KIAA1549L: variants seen among roughly 807,000 people sequenced by gnomAD.
The protein encoded by KIAA1549L is KIAA1549 like, also known as UPF0606 protein KIAA1549L.
A neutral mutation model predicts 160.7 loss-of-function variants in KIAA1549L; 88 were observed. The ratio of observed to expected loss-of-function variants is 0.55; its 90% confidence interval spans 0.46 to 0.65. KIAA1549L has a LOEUF of 0.65. Among genes scored for constraint, KIAA1549L ranks in the 30% least tolerant of loss-of-function variants. The pLI, the probability that KIAA1549L is intolerant of heterozygous loss-of-function variation, is 0.00. For synonymous variants in KIAA1549L, 950 were observed against 976.7 expected (o/e 0.97, Z 0.51); for missense variants, 2,258 against 2,437.5 (o/e 0.93, Z 1.55).
chr11:33,641,572 GTATATATA>G (rs10523183), intron 16 of KIAA1549L, among the ~76,000 whole-genome samples: 42 of 96,680 alleles, frequency 4.3e-4, no homozygotes, highest in Admixed American at 1.0e-3. Context: ...TAATGGATCT[GTATATATA>G]TATATATATA....
At chr11:33,517,065 C>T (rs2133117003) in intron 1 of KIAA1549L, among the ~76,000 whole-genome samples, 1 of 152,276 alleles carries the variant, frequency 6.6e-6, no homozygotes, top group African/African-American at 2.4e-5. Context: ...TCTGCTCTGC[C>T]TATAGAACAC....
chr11:33,416,064 T>C (rs1535702), intron 1 of KIAA1549L, among the ~76,000 whole-genome samples: 47,713 of 151,694 alleles, frequency 0.31, 8,006 homozygotes, highest in East Asian at 0.57. Context: ...AACCAACCAA[T>C]AAAAAGGCTC....
intron 1 of KIAA1549L, among the ~76,000 whole-genome samples, chr11:33,467,495 A>G (rs2133016805): frequency 6.6e-6 from 1 of 152,308 alleles, no homozygotes; most frequent in East Asian, 1.9e-4. Context: ...GTTGGTGTAG[A>G]AGTTCCACAT....
rs1455209441 is a variant in KIAA1549L at position 33,609,651 on chromosome 11, G to A, written c.5062-98G>A. 5.2e-6 allele frequency: 5 copies of A among 964,634 alleles called. No individual in the cohort carries two copies. In the East Asian group the frequency reaches 1.0e-4, roughly 20 times the overall value. The allele number at this position is 964,634 out of a possible 1,614,324, so 59.8% of individuals were successfully genotyped here. A position where few individuals can be genotyped will look rare whatever the true frequency, so the allele number is the denominator to read the frequency against. ...GCTCAGAGGCCCGGAGGTGATGCCTGTGATGGCTTTTTTAGAAGTGATAAC... is the reference window on the plus strand; with the variant it reads ...GCTCAGAGGCCCGGAGGTGATGCCTATGATGGCTTTTTTAGAAGTGATAAC... On this transcript the variant is annotated intron_variant, in intron 14 of 20. Coordinates refer to ENST00000658780, the MANE Select transcript of KIAA1549L (RefSeq NM_012194.3).
rs565835923 is a variant in KIAA1549L at position 33,544,274 on chromosome 11, G to A, written c.2711G>A (p.Ser904Asn). ...GCTGCTGAATCTTCTATATCGACCA[G>A]TGTCTTTCCCAGGACCTCCTCCAGA... ...HSAAESSIST[S>N]VFPRTSSRVL... The change falls in exon 2 of 21, where the codon AGT becomes AAT. Residue 904 changes from serine to asparagine, a missense_variant. Physicochemically the swap from Ser to Asn is conservative, Grantham distance 46. This residue lies in a region of KIAA1549L where 287 missense variants were observed against 292.3 expected (regional missense o/e 0.98). Transcript: ENST00000658780. 3.1e-6 allele frequency: 5 copies of A among 1,613,972 alleles called. No individual in the cohort carries two copies. The South Asian group carries it at 5.5e-5, about 18-fold the overall frequency.
intron 10 of KIAA1549L, among the ~76,000 whole-genome samples, chr11:33,577,063 T>C (rs898490277): frequency 2.0e-5 from 3 of 152,096 alleles, no homozygotes; most frequent in African/African-American, 7.2e-5. Flanking sequence ...TAGAGGACAC[T>C]GACCAGGAGC....
At chr11:33,405,839 CAAAAAAA>C (rs35479859) in intron 1 of KIAA1549L, among the ~76,000 whole-genome samples, 2 of 68,878 alleles carry the variant, frequency 2.9e-5, no homozygotes, top group Admixed American at 1.9e-4. Context: ...CAGTCTGTCT[CAAAAAAA>C]AAAAAAAAAA....
intron 1 of KIAA1549L, among the ~76,000 whole-genome samples, chr11:33,398,350 G>A (rs1850429140): frequency 6.6e-6 from 1 of 151,796 alleles, no homozygotes; most frequent in Non-Finnish European, 1.5e-5. Flanking sequence ...CTTATAACCA[G>A]TCTGGGGTAA....
intron 13 of KIAA1549L, 126 bp downstream of exon 13, chr11:33,599,073 A>G (rs540512574): frequency 5.3e-6 from 6 of 1,130,464 alleles, no homozygotes; most frequent in South Asian, 3.1e-5. Context: ...CGTTCTTTCT[A>G]TTCTGCCCCA....
At chr11:33,444,052 C>G (rs1851561583) in intron 1 of KIAA1549L, among the ~76,000 whole-genome samples, 1 of 152,158 alleles carries the variant, frequency 6.6e-6, no homozygotes, top group African/African-American at 2.4e-5. Flanking sequence ...TTAAATTAGA[C>G]AAGATCTGCA....
rs557872316 is a variant in KIAA1549L, at chr11:33,434,328, C to A, written c.238+57439C>A. Among the ~76,000 whole-genome samples the A allele has an allele frequency of 2.6e-5, 4 of 152,294 alleles. No homozygotes were observed. In the South Asian group the frequency reaches 8.3e-4, roughly 32 times the overall value. The stretch of plus-strand genomic sequence containing the variant: ...TTGCCTACTGCCATGTAAGATGTGA[C>A]TTTGCTCCTCCTTTGCCTTCCACCA... On this transcript the variant is annotated intron_variant, in intron 1 of 20. Coordinates refer to ENST00000658780, the MANE Select transcript of KIAA1549L (RefSeq NM_012194.3).
At chr11:33,463,078 C>T (rs1851975523) in intron 1 of KIAA1549L, among the ~76,000 whole-genome samples, 1 of 152,162 alleles carries the variant, frequency 6.6e-6, no homozygotes, top group Admixed American at 6.5e-5. Context: ...ATCCTCCCAC[C>T]TCAGCCTGCC....
intron 1 of KIAA1549L, among the ~76,000 whole-genome samples, chr11:33,426,242 C>T (rs1403323961): frequency 1.3e-5 from 2 of 152,172 alleles, no homozygotes; most frequent in Non-Finnish European, 2.9e-5. Flanking sequence ...GAACTCTCTG[C>T]ACTCTCTGCT....
chr11:33,554,487 T>G (rs1364570691), intron 6 of KIAA1549L, among the ~76,000 whole-genome samples: 1 of 152,220 alleles, frequency 6.6e-6, no homozygotes, highest in Non-Finnish European at 1.5e-5. Context: ...TTATTTGATT[T>G]CATCAAGCTC....
chr11:33,651,961 T>C (rs12788956), intron 17 of KIAA1549L, among the ~76,000 whole-genome samples: 5,403 of 137,204 alleles, frequency 0.039, 178 homozygotes, highest in Non-Finnish European at 0.067. Flanking sequence ...CTTCCTTCCA[T>C]GTTACAACCA....
At chr11:33,480,281 CTG>C (rs1457196597) in intron 1 of KIAA1549L, among the ~76,000 whole-genome samples, 1 of 152,200 alleles carries the variant, frequency 6.6e-6, no homozygotes, top group African/African-American at 2.4e-5. Context: ...CTTTCTATCT[CTG>C]TGGATTTGCC....
At chr11:33,465,928 G>C (rs1384240108) in intron 1 of KIAA1549L, among the ~76,000 whole-genome samples, 2 of 152,140 alleles carry the variant, frequency 1.3e-5, no homozygotes, top group African/African-American at 4.8e-5. Context: ...CAGGACATAG[G>C]CATGGACAAG....
chr11:33,562,142 C>T (rs1854880245), intron 8 of KIAA1549L, among the ~76,000 whole-genome samples: 1 of 152,220 alleles, frequency 6.6e-6, no homozygotes, highest in Non-Finnish European at 1.5e-5. Context: ...TCTGGCACAA[C>T]ATGTACCCAG....
intron 16 of KIAA1549L, among the ~76,000 whole-genome samples, chr11:33,626,316 TG>T (rs1449513649): frequency 7.0e-6 from 1 of 143,150 alleles, no homozygotes; most frequent in Non-Finnish European, 1.5e-5. Context: ...GGTAGCTTGA[TG>T]GGGATGGCAT....
Sources: gnomAD v4.1 joint callset for allele counts (sites outside exome capture counted in the v4.1 genomes callset) on GRCh38, gnomAD v4.1.1 for gene constraint, gnomAD v4.1.1 regional missense constraint, MANE v1.5 for transcripts, NCBI Gene and HGNC (gene_info 2026-07-23, HGNC 2026-07-21) for gene names.